WDPCP: variants seen among roughly 807,000 people sequenced by gnomAD.
WDPCP encodes the protein WD repeat-containing and planar cell polarity effector protein fritz homolog.
A neutral mutation model predicts 93.1 loss-of-function variants in WDPCP; 71 were observed. That is an observed-to-expected ratio of 0.76 (90% CI 0.63 to 0.93). WDPCP has a LOEUF of 0.93. WDPCP is among the 40% of genes least tolerant of loss of function. The pLI is 0.00. For synonymous variants in WDPCP, 315 were observed against 315.0 expected, an observed-to-expected ratio of 1.00 and a Z score of 0.00; for missense variants, 844 against 887.4, an observed-to-expected ratio of 0.95 and a Z score of 0.62.
At chr2:63,176,855 TC>T (rs753419592) in intron 14 of WDPCP, among the ~76,000 whole-genome samples, 25 of 152,182 alleles carry the variant, frequency 1.6e-4, no homozygotes, top group Non-Finnish European at 3.2e-4. Context: ...ATGAAGCTTT[TC>T]TCTAATGTTT....
chr2:63,312,333 A>G (rs908057100), intron 13 of WDPCP, among the ~76,000 whole-genome samples: 14 of 152,214 alleles, frequency 9.2e-5, no homozygotes, highest in African/African-American at 3.4e-4. Context: ...TCACTGTGCA[A>G]AAGATTCAGG....
At chr2:63,532,656 T>C (rs1703947557) in intron 1 of WDPCP, among the ~76,000 whole-genome samples, 1 of 152,120 alleles carries the variant, frequency 6.6e-6, no homozygotes, top group African/African-American at 2.4e-5. Flanking sequence ...GACAAGCAAA[T>C]GCTGAGAGAT....
intron 13 of WDPCP, among the ~76,000 whole-genome samples, chr2:63,290,185 A>T (rs929296564): frequency 2.6e-5 from 4 of 151,870 alleles, no homozygotes; most frequent in African/African-American, 9.7e-5. Context: ...TGAATATTTT[A>T]AAAGTATTTT....
chr2:63,813,196 C>G (rs1482632212), intron 2 of WDPCP, among the ~76,000 whole-genome samples: 1 of 152,102 alleles, frequency 6.6e-6, no homozygotes, highest in African/African-American at 2.4e-5. Context: ...ATTCAAAAGG[C>G]AGGAAATAAT....
At chr2:63,224,286 T>C (rs1678089338) in intron 14 of WDPCP, among the ~76,000 whole-genome samples, 1 of 151,994 alleles carries the variant, frequency 6.6e-6, no homozygotes, top group Non-Finnish European at 1.5e-5. Context: ...TATTCATCAA[T>C]GGTGGGAATG....
chr2:63,532,424 T>C (rs991809094), intron 1 of WDPCP, among the ~76,000 whole-genome samples: 1 of 151,794 alleles, frequency 6.6e-6, no homozygotes, highest in Non-Finnish European at 1.5e-5. Flanking sequence ...TTCACCAAGG[T>C]TGAAATGAAG....
intron 1 of WDPCP, among the ~76,000 whole-genome samples, chr2:63,549,688 C>T (rs1705432029): frequency 6.6e-6 from 1 of 152,180 alleles, no homozygotes; most frequent in Admixed American, 6.5e-5. Context: ...ATCACTTGAA[C>T]CAGGGTGGCA....
At chr2:63,131,601 C>T (rs1670295781) in intron 17 of WDPCP, among the ~76,000 whole-genome samples, 1 of 151,858 alleles carries the variant, frequency 6.6e-6, no homozygotes, top group East Asian at 1.9e-4. Context: ...ATTTGTGCAC[C>T]AGAATTACAA....
chr2:63,274,099 A>T (rs948787324), intron 13 of WDPCP, among the ~76,000 whole-genome samples: 1 of 152,190 alleles, frequency 6.6e-6, no homozygotes, highest in Non-Finnish European at 1.5e-5. Context: ...CATATGTGTT[A>T]GGCCACAAAA....
At chr2:63,406,693 G>A (rs1274871714) in intron 9 of WDPCP, among the ~76,000 whole-genome samples, 5 of 152,186 alleles carry the variant, frequency 3.3e-5, no homozygotes, top group Non-Finnish European at 7.4e-5. Flanking sequence ...ATAGAAGTAT[G>A]ACTGGACAAA....
chr2:63,358,169 C>A (rs12988024), intron 12 of WDPCP, among the ~76,000 whole-genome samples: 83,443 of 151,822 alleles, frequency 0.55, 23,254 homozygotes, highest in Admixed American at 0.63. Flanking sequence ...ATAATCTGTA[C>A]AACAACCATC....
chr2:63,796,947 T>A (rs899473284), intron 2 of WDPCP, among the ~76,000 whole-genome samples: 1 of 152,118 alleles, frequency 6.6e-6, no homozygotes, highest in Non-Finnish European at 1.5e-5. Flanking sequence ...TCTTTCCTTC[T>A]GCTTGAGAAA....
chr2:63,246,613 T>A (rs1187433905), intron 14 of WDPCP, among the ~76,000 whole-genome samples: 1 of 152,208 alleles, frequency 6.6e-6, no homozygotes, highest in African/African-American at 2.4e-5. Context: ...CATGTGCTGT[T>A]GCCAACACTT....
At chr2:63,692,073 T>A (rs923213933) in intron 2 of WDPCP, among the ~76,000 whole-genome samples, 2 of 152,236 alleles carry the variant, frequency 1.3e-5, no homozygotes, top group African/African-American at 4.8e-5. Context: ...AAGGACATTT[T>A]CTTCAAGTTT....
chr2:63,793,142 A>G (rs1670567322), intron 2 of WDPCP, among the ~76,000 whole-genome samples: 2 of 151,994 alleles, frequency 1.3e-5, no homozygotes, highest in Non-Finnish European at 2.9e-5. Flanking sequence ...ACAGGGTCTC[A>G]TTAAATTGCC....
At chr2:63,259,519 G>T in intron 13 of WDPCP, 110 bp from the exon 14 acceptor site, 1 of 902,870 alleles carries the variant, frequency 1.1e-6, no homozygotes, top group Non-Finnish European at 1.7e-6. Flanking sequence ...GAAACAGTTT[G>T]TAAATATTCT....
chr2:63,521,802 T>TA (rs1341435649), intron 1 of WDPCP, among the ~76,000 whole-genome samples: 1 of 151,712 alleles, frequency 6.6e-6, no homozygotes, highest in Admixed American at 6.6e-5. Context: ...CTCAGCAAAT[T>TA]AAAAAACACC....
At chr2:63,439,530 A>G (rs555233656) in intron 7 of WDPCP, among the ~76,000 whole-genome samples, 2 of 152,298 alleles carry the variant, frequency 1.3e-5, no homozygotes, top group East Asian at 3.9e-4. Flanking sequence ...AGGAAAAAGT[A>G]AAAAACAACT....
At chr2:63,555,994 G>C (rs957525488) in intron 1 of WDPCP, among the ~76,000 whole-genome samples, 16 of 152,310 alleles carry the variant, frequency 1.1e-4, no homozygotes, top group African/African-American at 3.8e-4. Flanking sequence ...GATGGAGGCT[G>C]AGATGGATGA....
Sources: allele counts gnomAD v4.1 joint callset (sites outside exome capture counted in the v4.1 genomes callset), GRCh38; gene constraint gnomAD v4.1.1; transcripts MANE v1.5; gene names NCBI Gene and HGNC (gene_info 2026-07-23, HGNC 2026-07-21).